Variants in ARL13B observed in about 807,000 individuals in gnomAD.
ARL13B encodes ARF like GTPase 13B.
A neutral mutation model predicts 56.1 loss-of-function variants in ARL13B; 36 were observed. The ratio of observed to expected loss-of-function variants is 0.64; its 90% confidence interval spans 0.49 to 0.85. ARL13B has a LOEUF of 0.85. Ranked by LOEUF, ARL13B falls within the 40% of genes least tolerant of loss-of-function variation. The pLI is 0.00. For missense variants in ARL13B, 519 were observed against 507.1 expected (o/e 1.02, Z -0.23); for synonymous variants, 178 against 171.1 (o/e 1.04, Z -0.32).
chr3:94,035,061 C>T (rs2076742757), intron 3 of ARL13B, among the ~76,000 whole-genome samples: 1 of 152,058 alleles, frequency 6.6e-6, no homozygotes, highest in African/African-American at 2.4e-5. Context: ...CATGGCGAAA[C>T]CCAGTCTCTA....
At chr3:94,029,434 G>A (rs1371897823) in intron 3 of ARL13B, among the ~76,000 whole-genome samples, 2 of 143,078 alleles carry the variant, frequency 1.4e-5, no homozygotes, top group African/African-American at 2.6e-5. Context: ...TGCAACCTCC[G>A]TCTCCCGGGT....
Position 94,053,177 on chromosome 3 carries a change from CT to C in ARL13B, c.1211-6del. On this transcript the variant is annotated splice_polypyrimidine_tract_variant and intron_variant, in intron 9 of 9. Transcript: ENST00000394222. ...CTGTTTTGTGCATTTGGTTTTCTTT[CT>C]TTTCTTAGATTTCTATAGGAAGCCA... 1 of 1,608,934 alleles carries C rather than the reference CT, an allele frequency of 6.2e-7. No individual in the cohort carries two copies. Among genetic ancestry groups the C allele is most frequent in the Non-Finnish European group, 8.5e-7 (1 of 1,178,814 alleles).
At chr3:93,980,601 T>G in intron 1 of ARL13B, 119 bp downstream of exon 1, 3 of 1,270,036 alleles carry the variant, frequency 2.4e-6, no homozygotes, top group Non-Finnish European at 3.3e-6. Flanking sequence ...AAGGGATGCT[T>G]TCATTCCCAG....
chr3:93,997,437 T>G (rs2075985893), intron 2 of ARL13B, among the ~76,000 whole-genome samples: 1 of 152,158 alleles, frequency 6.6e-6, no homozygotes, highest in Non-Finnish European at 1.5e-5. Flanking sequence ...GAAAAAAACA[T>G]TTTCTCACCT....
intron 3 of ARL13B, among the ~76,000 whole-genome samples, chr3:94,012,335 G>T (rs1281208605): frequency 6.6e-6 from 1 of 152,148 alleles, no homozygotes; most frequent in East Asian, 1.9e-4. Context: ...GACCAAGATA[G>T]CATCTTTGAT....
At chr3:94,005,004 A>G (rs2076110363) in intron 3 of ARL13B, among the ~76,000 whole-genome samples, 1 of 152,148 alleles carries the variant, frequency 6.6e-6, no homozygotes, top group Non-Finnish European at 1.5e-5. Context: ...GGTTATTTGT[A>G]AAACAATATT....
Position 94,049,538 on chromosome 3 carries a change from C to T in ARL13B, c.1141+16C>T. 3.2e-6 allele frequency: 4 copies of T among 1,242,598 alleles called. No homozygotes were observed. The highest frequency in any genetic ancestry group is 2.6e-5 in the South Asian group (2 of 77,704). The allele number at this position is 1,242,598 out of a possible 1,614,324, so 77.0% of individuals were successfully genotyped here. On this transcript the variant is annotated intron_variant, in intron 8 of 9. Coordinates refer to ENST00000394222, the MANE Select transcript of ARL13B (RefSeq NM_001174150.2). ...CCTCCTCCTGGTGAGTAAATTGATA[C>T]TGATACTGAATTTAGAAATATTGCT...
intron 3 of ARL13B, among the ~76,000 whole-genome samples, chr3:94,007,790 C>G (rs1183841103): frequency 1.3e-5 from 2 of 152,126 alleles, no homozygotes; most frequent in Non-Finnish European, 2.9e-5. Context: ...ATGTCACAGA[C>G]TGGAGGTTTT....
At chr3:94,033,844 A>G (rs2076718469) in intron 3 of ARL13B, among the ~76,000 whole-genome samples, 1 of 152,220 alleles carries the variant, frequency 6.6e-6, no homozygotes, top group Admixed American at 6.5e-5. Context: ...TCTTACCACC[A>G]GATACGGGAA....
At chr3:94,036,778 C>G in intron 5 of ARL13B, 24 bp downstream of exon 5, 2 of 1,591,934 alleles carry the variant, frequency 1.3e-6, no homozygotes, top group Non-Finnish European at 1.7e-6. Context: ...TTTTGTACCA[C>G]AGTGCATTTG....
intron 3 of ARL13B, chr3:94,014,879 T>C (rs1276791375): frequency 1.2e-6 from 2 of 1,613,992 alleles, no homozygotes; most frequent in Non-Finnish European, 1.7e-6. Flanking sequence ...TTAAGTATCC[T>C]TGTGACCACT....
intron 1 of ARL13B, among the ~76,000 whole-genome samples, chr3:93,991,618 G>C (rs562352353): frequency 1.7e-3 from 265 of 152,284 alleles, no homozygotes; most frequent in African/African-American, 6.2e-3. Flanking sequence ...TGATCCTCCT[G>C]CTTCAGCCCC....
chr3:93,984,633 T>C (rs1710363881), intron 1 of ARL13B, among the ~76,000 whole-genome samples: 1 of 152,218 alleles, frequency 6.6e-6, no homozygotes, highest in Admixed American at 6.5e-5. Context: ...CAAACGTGTG[T>C]TGTTCAAGGA....
chr3:94,013,434 A>G (rs1170511402), intron 3 of ARL13B, among the ~76,000 whole-genome samples: 4 of 152,224 alleles, frequency 2.6e-5, no homozygotes, highest in African/African-American at 7.2e-5. Context: ...AGTCATGGCA[A>G]AATATTCAAG....
intron 3 of ARL13B, chr3:94,015,348 C>A: frequency 8.1e-7 from 1 of 1,229,102 alleles, no homozygotes; most frequent in Non-Finnish European, 1.1e-6. Context: ...TAGCAGTTGA[C>A]TTCACATAAC....
In ARL13B at chr3:94,055,107, T is replaced by TAG. The variant is rs1156709822; in HGVS notation, c.*1845_*1846dup. ...TATAATATAGAATTCACATTTTATA[T>TAG]AGCTCTCTCAAAAATTAATTTTTAT... On this transcript the variant is annotated 3_prime_UTR_variant, in exon 10 of 10. Transcript: ENST00000394222. The TAG allele has an allele frequency of 1.1e-5, 4 of 369,948 alleles. No individual in the cohort carries two copies. The East Asian group carries it at 3.1e-4, about 29-fold the overall frequency. The allele number at this position is 369,948 out of a possible 1,614,324, so 22.9% of individuals were successfully genotyped here.
intron 3 of ARL13B, among the ~76,000 whole-genome samples, chr3:94,015,499 G>T (rs1446141443): frequency 6.6e-6 from 1 of 152,176 alleles, no homozygotes; most frequent in Non-Finnish European, 1.5e-5. Context: ...GCATGTGAGT[G>T]CTATTTAGTT....
intron 9 of ARL13B, among the ~76,000 whole-genome samples, chr3:94,051,895 A>G (rs2077072933): frequency 6.6e-6 from 1 of 151,910 alleles, no homozygotes. Flanking sequence ...ATATTTCTTG[A>G]TAATCGTTAG....
chr3:94,001,089 G>T (rs1428919009), intron 2 of ARL13B, among the ~76,000 whole-genome samples: 2 of 152,168 alleles, frequency 1.3e-5, no homozygotes, highest in Non-Finnish European at 2.9e-5. Context: ...AGGCTATTGT[G>T]AAGATCAGTA....
Sources: gnomAD v4.1 joint callset for allele counts (sites outside exome capture counted in the v4.1 genomes callset) on GRCh38, gnomAD v4.1.1 for gene constraint, MANE v1.5 for transcripts, NCBI Gene and HGNC (gene_info 2026-07-23, HGNC 2026-07-21) for gene names.